Variants in NDUFAF6 observed in about 807,000 individuals in gnomAD.
NDUFAF6 encodes NADH:ubiquinone oxidoreductase complex assembly factor 6.
NDUFAF6 carries 45 observed loss-of-function variants against 40.8 expected under a neutral mutation model. The ratio of observed to expected loss-of-function variants is 1.10; its 90% CI spans 0.87 to 1.42. NDUFAF6 has a LOEUF of 1.42. Among genes scored for constraint, NDUFAF6 ranks in the 40% most tolerant of loss-of-function variants. The pLI is 0.00. For synonymous variants in NDUFAF6, 185 were observed against 155.9 expected, an observed-to-expected ratio of 1.19 and a Z score of -1.39; for missense variants, 435 against 418.5, an observed-to-expected ratio of 1.04 and a Z score of -0.34.
intron 2 of NDUFAF6, among the ~76,000 whole-genome samples, chr8:95,094,306 A>G (rs954802097): frequency 2.1e-5 from 3 of 142,198 alleles, no homozygotes; most frequent in Admixed American, 6.9e-5. Flanking sequence ...TTCCTCTTCC[A>G]CTTCCTTTGG....
chr8:94,966,627 A>G (rs1295427237), intron 1 of NDUFAF6, among the ~76,000 whole-genome samples: 1 of 152,150 alleles, frequency 6.6e-6, no homozygotes, highest in East Asian at 1.9e-4. Flanking sequence ...AAGGCAATGA[A>G]TAAGATTAGT....
intron 9 of NDUFAF6, among the ~76,000 whole-genome samples, chr8:95,065,677 A>G (rs886126957): frequency 1.3e-5 from 2 of 151,128 alleles, no homozygotes; most frequent in African/African-American, 4.8e-5. Flanking sequence ...TTAATAACCA[A>G]ATAAAGTTGC....
downstream of NDUFAF6, among the ~76,000 whole-genome samples, chr8:95,116,611 A>AAG (rs2132092778): frequency 6.6e-6 from 1 of 152,270 alleles, no homozygotes; most frequent in East Asian, 1.9e-4. Flanking sequence ...TCGGCCTTCC[A>AAG]AAGTGCTGGA....
At chr8:95,030,997 A>G (rs180875681) in intron 1 of NDUFAF6, among the ~76,000 whole-genome samples, 5 of 152,328 alleles carry the variant, frequency 3.3e-5, no homozygotes, top group African/African-American at 1.2e-4. Flanking sequence ...GTGAACTAAT[A>G]CACTCACTTA....
At chr8:94,932,638 C>A (rs1820528668) in intron 1 of NDUFAF6, among the ~76,000 whole-genome samples, 1 of 151,958 alleles carries the variant, frequency 6.6e-6, no homozygotes, top group Non-Finnish European at 1.5e-5. Flanking sequence ...CCCGTCTCTA[C>A]TAAAAATACA....
Position 95,011,494 on chromosome 8 carries a change from A to G in NDUFAF6, c.-83-20501A>G, listed in dbSNP as rs75575223. ...TGGCACTTTCCACTTCTTATTCCAGAGGGAAATAACTGGGCATGGTAAGAA... is the reference window on the plus strand; with the variant it reads ...TGGCACTTTCCACTTCTTATTCCAGGGGGAAATAACTGGGCATGGTAAGAA... On this transcript the variant is annotated intron_variant, in intron 2 of 9. Transcript: ENST00000396111. Among the ~76,000 whole-genome samples, 870 of 152,240 alleles carry G rather than the reference A, an allele frequency of 5.7e-3. 4 individuals carry two copies. The highest frequency in any genetic ancestry group is 0.02 in the African/African-American group (814 of 41,548).
At chr8:94,923,187 A>G (rs1238873964) in intron 1 of NDUFAF6, among the ~76,000 whole-genome samples, 1 of 152,188 alleles carries the variant, frequency 6.6e-6, no homozygotes, top group Non-Finnish European at 1.5e-5. Context: ...TGACAACCTG[A>G]ATGTTTCTGA....
chr8:95,033,437 T>C (rs1213555995), intron 2 of NDUFAF6, among the ~76,000 whole-genome samples: 1 of 152,248 alleles, frequency 6.6e-6, no homozygotes, highest in African/African-American at 2.4e-5. Context: ...GCTGCTGCTT[T>C]GCACATGGAG....
intron 2 of NDUFAF6, among the ~76,000 whole-genome samples, chr8:95,086,807 G>A (rs1459433702): frequency 6.6e-6 from 1 of 151,988 alleles, no homozygotes; most frequent in Non-Finnish European, 1.5e-5. Flanking sequence ...GTTTCACCGT[G>A]TTAGCCAGGA....
intron 4 of NDUFAF6, among the ~76,000 whole-genome samples, chr8:95,110,824 T>C (rs978797854): frequency 6.6e-6 from 1 of 152,254 alleles, no homozygotes; most frequent in African/African-American, 2.4e-5. Flanking sequence ...TATTGGATAA[T>C]GTCCTTTCTG....
intron 1 of NDUFAF6, among the ~76,000 whole-genome samples, chr8:94,903,276 T>G (rs1818145872): frequency 6.6e-6 from 1 of 152,090 alleles, no homozygotes; most frequent in South Asian, 2.1e-4. Context: ...GGAGGATCAC[T>G]TGAGCCCAGG....
chr8:94,994,406 C>T (rs1826325943), intron 2 of NDUFAF6, among the ~76,000 whole-genome samples: 1 of 152,004 alleles, frequency 6.6e-6, no homozygotes, highest in Non-Finnish European at 1.5e-5. Context: ...CAAAACTTAG[C>T]TGGGCATGGT....
chr8:94,935,683 A>G (rs995330052), intron 1 of NDUFAF6, among the ~76,000 whole-genome samples: 1 of 152,230 alleles, frequency 6.6e-6, no homozygotes, highest in Admixed American at 6.5e-5. Context: ...TGGGAGCTCC[A>G]TGTACTGTGG....
At chr8:94,951,273 A>C (rs1219377511) in intron 2 of NDUFAF6, 1 of 152,282 alleles carries the variant, frequency 6.6e-6, no homozygotes, top group Non-Finnish European at 1.5e-5. Context: ...ATGAGTGGAA[A>C]AGCCCTTAGG....
chr8:94,948,238 T>C (rs1173667698), intron 2 of NDUFAF6, among the ~76,000 whole-genome samples: 1 of 152,146 alleles, frequency 6.6e-6, no homozygotes, highest in Admixed American at 6.5e-5. Context: ...ACAAACACCA[T>C]TTCCTTTTAT....
chr8:95,113,342 A>G (rs1810048613), intron 4 of NDUFAF6, among the ~76,000 whole-genome samples: 1 of 152,196 alleles, frequency 6.6e-6, no homozygotes, highest in Non-Finnish European at 1.5e-5. Flanking sequence ...CTGACTCATC[A>G]TTCAGTCCCC....
chr8:95,074,237 A>G (rs2132040951), intron 9 of NDUFAF6, among the ~76,000 whole-genome samples: 1 of 152,262 alleles, frequency 6.6e-6, no homozygotes, highest in Non-Finnish European at 1.5e-5. Flanking sequence ...AAAAATGGAT[A>G]TATTCCAGCT....
intron 2 of NDUFAF6, among the ~76,000 whole-genome samples, chr8:94,946,695 T>TCAAAAAAA (rs1822028207): frequency 1.6e-4 from 1 of 6,444 alleles, no homozygotes; most frequent in Non-Finnish European, 6.5e-4. Context: ...AGACCCTGTC[T>TCAAAAAAA]CAAAAAAAAA....
At chr8:94,979,513 A>G (rs1825237861) in intron 1 of NDUFAF6, among the ~76,000 whole-genome samples, 1 of 152,058 alleles carries the variant, frequency 6.6e-6, no homozygotes, top group Non-Finnish European at 1.5e-5. Flanking sequence ...CTGGGGTCTT[A>G]TGAAGGAGAT....
Sources: allele counts gnomAD v4.1 joint callset (sites outside exome capture counted in the v4.1 genomes callset), GRCh38; gene constraint gnomAD v4.1.1; transcripts MANE v1.5; gene names NCBI Gene and HGNC (gene_info 2026-07-23, HGNC 2026-07-21).